EVL: variants seen among roughly 807,000 people sequenced by gnomAD.
EVL encodes Enah/Vasp-like, also known as ena/VASP-like protein.
A neutral mutation model predicts 59.6 loss-of-function variants in EVL; 21 were observed. That is an observed-to-expected ratio of 0.35 (90% CI 0.25 to 0.51). The LOEUF is 0.51. Ranked by LOEUF, EVL falls within the 20% of genes least tolerant of loss-of-function variation. The pLI, the probability that EVL is intolerant of heterozygous loss-of-function variation, is 0.97. For synonymous variants in EVL, 198 were observed against 203.5 expected, an observed-to-expected ratio of 0.97 and a Z score of 0.23; for missense variants, 462 against 546.6, an observed-to-expected ratio of 0.85 and a Z score of 1.54.
At chr14:100,060,015 G>A in intron 1 of EVL, among the ~76,000 whole-genome samples, 1 of 152,184 alleles carries the variant, frequency 6.6e-6, no homozygotes, top group Admixed American at 6.5e-5. Context: ...AAATGCTCCT[G>A]AAGTTGAAAC....
chr14:100,121,141 C>G (rs1887672047), intron 3 of EVL, among the ~76,000 whole-genome samples: 1 of 152,216 alleles, frequency 6.6e-6, no homozygotes, highest in South Asian at 2.1e-4. Flanking sequence ...AGTGCCTCAC[C>G]ACTAGACACG....
chr14:100,018,171 C>T (rs1211848), intron 1 of EVL, among the ~76,000 whole-genome samples: 54,598 of 152,162 alleles, frequency 0.36, 13,672 homozygotes, highest in African/African-American at 0.71. Flanking sequence ...TTGGATGCCA[C>T]GCAGGTGGCA....
chr14:100,143,549 C>G (rs577970698), intron 13 of EVL, 152 bp from the exon 14 acceptor site: 2 of 885,866 alleles, frequency 2.3e-6, no homozygotes, highest in African/African-American at 3.2e-5. Context: ...GGTCATCACC[C>G]CAGAGGTCTA....
At chr14:99,996,276 C>T (rs1285105001) in intron 1 of EVL, among the ~76,000 whole-genome samples, 1 of 151,890 alleles carries the variant, frequency 6.6e-6, no homozygotes, top group Non-Finnish European at 1.5e-5. Context: ...GGTACAGAAA[C>T]CTCTTAACTG....
intron 1 of EVL, among the ~76,000 whole-genome samples, chr14:100,068,329 G>A (rs1465168230): frequency 1.3e-5 from 2 of 151,960 alleles, no homozygotes; most frequent in African/African-American, 4.8e-5. Context: ...GAAGAGTGAA[G>A]GCAAATAAGG....
intron 1 of EVL, among the ~76,000 whole-genome samples, chr14:100,030,161 C>T (rs986484104): frequency 2.0e-5 from 3 of 150,502 alleles, no homozygotes; most frequent in East Asian, 3.9e-4. Context: ...GGCGCAATCT[C>T]AGCTCACTGC....
chr14:100,062,276 G>A (rs1334440819), upstream of EVL, among the ~76,000 whole-genome samples: 3 of 151,630 alleles, frequency 2.0e-5, no homozygotes, highest in Non-Finnish European at 2.9e-5. Context: ...TGTATTTTGA[G>A]TAACATATGA....
chr14:100,058,694 T>C (rs1459629656), intron 1 of EVL, among the ~76,000 whole-genome samples: 1 of 152,062 alleles, frequency 6.6e-6, no homozygotes, highest in African/African-American at 2.4e-5. Flanking sequence ...AGGGTCAAAG[T>C]AGAGACCTGA....
chr14:99,990,715 A>G (rs982081446), intron 1 of EVL, among the ~76,000 whole-genome samples: 2 of 152,128 alleles, frequency 1.3e-5, no homozygotes, highest in Non-Finnish European at 2.9e-5. Flanking sequence ...CTCTATATAT[A>G]TATAGAGAGA....
rs1379774654 is a variant in EVL, at chr14:100,047,114, C to CTTTTTTTTT, written c.6-37572_6-37571insTTTTTTTTT. Among the ~76,000 whole-genome samples, 209 of 95,098 alleles carry CTTTTTTTTT rather than the reference C, an allele frequency of 2.2e-3. 58 individuals are homozygous for CTTTTTTTTT. The highest frequency in any genetic ancestry group is 8.8e-3 in the East Asian group (24 of 2,728). 62.4% of individuals were successfully genotyped at this position (95,098 alleles called of 152,430 possible). A position where few individuals can be genotyped will look rare whatever the true frequency, so the allele number is the denominator to read the frequency against. ...ATTTTGAGACCTTGGGCAGATCTCT[C>CTTTTTTTTT]TCTCTTTTTTTTTTTTTTTTTTTTT... On this transcript the variant is annotated intron_variant, in intron 1 of 13. Transcript: ENST00000402714.
At chr14:100,131,166 G>A (rs1037754856) in intron 7 of EVL, among the ~76,000 whole-genome samples, 10 of 152,306 alleles carry the variant, frequency 6.6e-5, no homozygotes, top group African/African-American at 9.6e-5. Flanking sequence ...ACTCAGAGGC[G>A]AGGATGGGCC....
At chr14:99,985,897 G>A (rs754681953) in intron 1 of EVL, among the ~76,000 whole-genome samples, 6 of 152,090 alleles carry the variant, frequency 3.9e-5, no homozygotes, top group African/African-American at 1.2e-4. Context: ...CTCTAACTTC[G>A]GCTTGAATAC....
intron 1 of EVL, among the ~76,000 whole-genome samples, chr14:100,079,323 G>A (rs1023827483): frequency 2.6e-5 from 4 of 152,148 alleles, no homozygotes; most frequent in Non-Finnish European, 4.4e-5. Context: ...ATGTTCCCAC[G>A]GGCACACAAT....
At chr14:99,977,225 TAATA>T (rs944236253) in intron 1 of EVL, 1 of 152,186 alleles carries the variant, frequency 6.6e-6, no homozygotes, top group African/African-American at 2.4e-5. Context: ...TAACTCCTCT[TAATA>T]AATAATTAAT....
intron 1 of EVL, among the ~76,000 whole-genome samples, chr14:100,049,633 C>A (rs892320230): frequency 1.3e-5 from 2 of 152,158 alleles, no homozygotes; most frequent in African/African-American, 4.8e-5. Flanking sequence ...TAAACAATAT[C>A]TTTATTGAGA....
In EVL at chr14:99,972,557, G is replaced by C. The variant is rs563712433; in HGVS notation, c.5+500G>C. 7.9e-5 allele frequency among the ~76,000 whole-genome samples: 12 copies of C among 152,284 alleles called. No individual in the cohort carries two copies. The highest frequency in any genetic ancestry group is 1.2e-4 in the Non-Finnish European group (8 of 68,026). On this transcript the variant is annotated intron_variant, in intron 1 of 13. Coordinates refer to the EVL transcript ENST00000402714. This position sits in a 1 kb window ranked among gnomAD's most constrained non-coding sequence, Gnocchi z 4.4. ...GCTTTTACAGGTGTAGTTTCCCCTC[G>C]ACTTGGAGCCCGTCAACCCCTTCGT...
intron 1 of EVL, among the ~76,000 whole-genome samples, chr14:100,049,049 C>T (rs1212782619): frequency 1.3e-5 from 2 of 152,054 alleles, no homozygotes; most frequent in Non-Finnish European, 2.9e-5. Flanking sequence ...GTGTTACATT[C>T]ATGGAAATGA....
At chr14:100,124,619 G>A (rs1001510450) in intron 4 of EVL, among the ~76,000 whole-genome samples, 1 of 152,180 alleles carries the variant, frequency 6.6e-6, no homozygotes, top group Admixed American at 6.5e-5. Flanking sequence ...AACCTAGACT[G>A]GCAGTCAAGT....
chr14:100,119,843 T>A (rs1014360384), intron 3 of EVL, among the ~76,000 whole-genome samples: 2 of 152,080 alleles, frequency 1.3e-5, no homozygotes, highest in Non-Finnish European at 2.9e-5. Flanking sequence ...TTAGGCCAGG[T>A]CCTCTCGTGC....
Sources: gnomAD v4.1 joint callset for allele counts (sites outside exome capture counted in the v4.1 genomes callset) on GRCh38, gnomAD v4.1.1 for gene constraint, Gnocchi (gnomAD v3.1) non-coding constraint, MANE v1.5 for transcripts, NCBI Gene and HGNC (gene_info 2026-07-23, HGNC 2026-07-21) for gene names.